The following ASAP3 variants were observed in gnomAD, a reference collection of about 807,000 sequenced individuals.
ASAP3 encodes arf-GAP with SH3 domain, ANK repeat and PH domain-containing protein 3.
In ASAP3, 85 loss-of-function variants were observed where a neutral mutation model predicts 118.2. The ratio of observed to expected loss-of-function variants is 0.72; its 90% CI spans 0.60 to 0.86. The LOEUF (loss-of-function observed/expected upper bound fraction) is 0.86, where lower values mean the gene tolerates loss of function less well. Among genes scored for constraint, ASAP3 ranks in the 40% least tolerant of loss-of-function variants. The probability of loss-of-function intolerance (pLI) is 0.00; values close to 1 mark genes in which losing one functional copy is unlikely to be tolerated. For synonymous variants in ASAP3, 432 were observed against 477.4 expected (o/e 0.90, Z 1.24); for missense variants, 1,026 against 1,175.0 (o/e 0.87, Z 1.85).
Position 23,436,578 on chromosome 1 carries a change from G to T in ASAP3, c.1553C>A (p.Pro518His). 6.2e-7 allele frequency: 1 copy of T among 1,614,218 alleles called. No homozygotes were observed. The highest frequency in any genetic ancestry group is 2.2e-5 in the East Asian group (1 of 44,886). The change falls in exon 16 of 25, where the codon CCC becomes CAC. Residue 518 changes from proline to histidine, a missense_variant. Physicochemically the swap from Pro to His is moderately conservative, Grantham distance 77 (BLOSUM62 -2). Coordinates refer to ENST00000336689, the MANE Select transcript of ASAP3 (RefSeq NM_017707.4). The surrounding 1 kb of genome is among the most constrained non-coding windows in gnomAD (Gnocchi z 4.2). ...CCCTTACATGTCACTCTCAGCTGAG[G>T]GTTTAGGGCCGCCGTGTGAGGGTAG... Reference protein sequence around the residue: ...AQLPSHGGPKPSAESDMGTRR... With the variant: ...AQLPSHGGPKHSAESDMGTRR...
Position 23,437,375 on chromosome 1 carries a change from G to A in ASAP3, c.1151+49C>T. ...ATGTCAAGTGGGAAGAGATAGGGCC[G>A]CCGGCCCCCACCCACAAGGCTGGCC... On this transcript the variant is annotated intron_variant, in intron 13 of 24. Coordinates refer to ENST00000336689, the MANE Select transcript of ASAP3 (RefSeq NM_017707.4). This position sits in a 1 kb window ranked among gnomAD's most constrained non-coding sequence, Gnocchi z 6.1. 5.0e-6 allele frequency: 8 copies of A among 1,610,818 alleles called. 1 individual carries two copies. The South Asian group carries it at 7.7e-5, about 16-fold the overall frequency.
intron 1 of ASAP3, among the ~76,000 whole-genome samples, chr1:23,476,890 T>C (rs1642146964): frequency 6.6e-6 from 1 of 152,216 alleles, no homozygotes; most frequent in Non-Finnish European, 1.5e-5. Context: ...TTCTTTCATT[T>C]ATTTGTTATT....
intron 3 of ASAP3, 114 bp from the exon 4 acceptor site, chr1:23,452,885 G>T: frequency 9.8e-7 from 1 of 1,016,654 alleles, no homozygotes; most frequent in Non-Finnish European, 1.5e-6. Context: ...AAGGGAAGTA[G>T]GGGAGAGGAA....
intron 5 of ASAP3, among the ~76,000 whole-genome samples, chr1:23,443,973 T>G (rs1640963474): frequency 6.6e-6 from 1 of 152,142 alleles, no homozygotes; most frequent in Non-Finnish European, 1.5e-5. Context: ...TCCACCCACC[T>G]CAGCCTCCCA....
At chr1:23,444,344 A>G (rs1640978094) in intron 5 of ASAP3, among the ~76,000 whole-genome samples, 1 of 152,214 alleles carries the variant, frequency 6.6e-6, no homozygotes, top group African/African-American at 2.4e-5. Context: ...CACAGCCAGG[A>G]GAGTATTTCC....
intron 1 of ASAP3, among the ~76,000 whole-genome samples, chr1:23,456,519 T>C (rs1315780834): frequency 1.3e-5 from 2 of 152,218 alleles, no homozygotes; most frequent in Non-Finnish European, 2.9e-5. Context: ...CCTCTGGCAG[T>C]AGCTGGTGTG....
intron 5 of ASAP3, among the ~76,000 whole-genome samples, chr1:23,448,712 C>T (rs1283956891): frequency 1.3e-5 from 2 of 152,168 alleles, no homozygotes; most frequent in East Asian, 1.9e-4. Context: ...AGTGATCCTC[C>T]TGTCTTGGCC....
chr1:23,447,920 G>A (rs1641098441), intron 5 of ASAP3, among the ~76,000 whole-genome samples: 2 of 152,224 alleles, frequency 1.3e-5, no homozygotes, highest in Middle Eastern at 3.4e-3. Context: ...ATAATTCATA[G>A]AGATTTTCCC....
At chr1:23,468,150 C>A (rs1401591157) in intron 1 of ASAP3, among the ~76,000 whole-genome samples, 1 of 152,012 alleles carries the variant, frequency 6.6e-6, no homozygotes, top group Non-Finnish European at 1.5e-5. Context: ...GCTCACACAG[C>A]CAAAATGTGG....
chr1:23,438,606 C>G lies in ASAP3; in HGVS notation c.1102+141G>C. On this transcript the variant is annotated intron_variant, in intron 12 of 24. Transcript: ENST00000336689. The surrounding 1 kb of genome is among the most constrained non-coding windows in gnomAD (Gnocchi z 4.9). The stretch of plus-strand genomic sequence containing the variant: ...TGTGGGTATCCTAGACCTAAGGATT[C>G]TTATGTCTGCAGTAGCAGCAATTCG... 1.5e-6 allele frequency: 1 copy of G among 667,456 alleles called. No individual in the cohort carries two copies. The highest frequency in any genetic ancestry group is 2.6e-6 in the Non-Finnish European group (1 of 386,874). The allele number at this position is 667,456 out of a possible 1,614,324, so 41.3% of individuals were successfully genotyped here. A position where few individuals can be genotyped will look rare whatever the true frequency, so the allele number is the denominator to read the frequency against.
At chr1:23,464,592 C>A (rs973385448) in intron 1 of ASAP3, among the ~76,000 whole-genome samples, 1 of 136,704 alleles carries the variant, frequency 7.3e-6, no homozygotes, top group East Asian at 2.2e-4. Flanking sequence ...CCCAGGAGTT[C>A]GAGGTTGCAG....
intron 1 of ASAP3, among the ~76,000 whole-genome samples, chr1:23,470,910 G>A (rs374988734): frequency 5.9e-4 from 90 of 152,278 alleles, no homozygotes; most frequent in African/African-American, 2.1e-3. Context: ...ATTGCTTGGC[G>A]GTGATGAGCT....
At chr1:23,481,151 T>C (rs573003417) in intron 1 of ASAP3, among the ~76,000 whole-genome samples, 8 of 152,282 alleles carry the variant, frequency 5.3e-5, no homozygotes, top group African/African-American at 1.9e-4. Context: ...CCATCTTATC[T>C]GAGAGAGTTT....
intron 4 of ASAP3, 30 bp downstream of exon 4, chr1:23,452,666 TC>T (rs745735854): frequency 6.2e-7 from 1 of 1,607,964 alleles, no homozygotes; most frequent in South Asian, 1.1e-5. Flanking sequence ...TTTTACTCTG[TC>T]CCACCACCAC....
intron 1 of ASAP3, 93 bp downstream of exon 1, chr1:23,483,912 G>A (rs1642398554): frequency 2.5e-6 from 3 of 1,188,384 alleles, no homozygotes; most frequent in Non-Finnish European, 3.2e-6. Context: ...GGGGCGCGGT[G>A]AAGGGCCATC....
Position 23,436,722 on chromosome 1 carries a change from C to G in ASAP3, c.1477-68G>C. 6.3e-7 allele frequency: 1 copy of G among 1,596,512 alleles called. No homozygotes were observed. Among genetic ancestry groups the G allele is most frequent in the South Asian group, 1.1e-5 (1 of 90,280 alleles). On this transcript the variant is annotated intron_variant, in intron 15 of 24. Coordinates refer to ENST00000336689, the MANE Select transcript of ASAP3 (RefSeq NM_017707.4). This position sits in a 1 kb window ranked among gnomAD's most constrained non-coding sequence, Gnocchi z 4.2. ...GCGGTTAAGCCTGCATAGGGTGGAG[C>G]TCCAAGCCCCCAGAGTCCCGCCCCT...
chr1:23,441,415 C>T lies in ASAP3; in HGVS notation c.806G>A (p.Arg269Gln), dbSNP rs1558127593. Reference protein sequence around the residue: ...QKLTQLRDSLRGTLQLESREE... With the variant: ...QKLTQLRDSLQGTLQLESREE... ...TCTGCTCTCAAGCTGCAGTGTCCCT[C>T]GGAGGGAGTCCCGGAGCTGGGTCAG... The change falls in exon 9 of 25, where the codon CGA (arginine) becomes CAA (glutamine). Residue 269 changes from arginine (R) to glutamine (Q), a missense_variant. Arg to Gln is a conservative substitution (Grantham distance 43). Coordinates refer to ENST00000336689, the MANE Select transcript of ASAP3 (RefSeq NM_017707.4). 6.2e-6 allele frequency: 10 copies of T among 1,614,092 alleles called. No individual in the cohort carries two copies. Among genetic ancestry groups the T allele is most frequent in the South Asian group, 2.2e-5 (2 of 91,052 alleles).
chr1:23,475,367 CCA>C (rs1253023946), intron 1 of ASAP3, among the ~76,000 whole-genome samples: 6 of 152,196 alleles, frequency 3.9e-5, no homozygotes, highest in Non-Finnish European at 8.8e-5. Flanking sequence ...CTGCCCAGCC[CCA>C]GTTTTCCAAC....
chr1:23,475,734 G>A (rs535478890), intron 1 of ASAP3, among the ~76,000 whole-genome samples: 1 of 152,284 alleles, frequency 6.6e-6, no homozygotes, highest in Non-Finnish European at 1.5e-5. Flanking sequence ...ATTTTGGGAG[G>A]CCAAGGCAAG....
Sources: allele counts gnomAD v4.1 joint callset (sites outside exome capture counted in the v4.1 genomes callset), GRCh38; gene constraint gnomAD v4.1.1; non-coding constraint Gnocchi (gnomAD v3.1); transcripts MANE v1.5; gene names NCBI Gene and HGNC (gene_info 2026-07-23, HGNC 2026-07-21).